ERCC5: variants seen among roughly 807,000 people sequenced by gnomAD.
ERCC5 encodes ERCC excision repair 5, endonuclease, also known as DNA excision repair protein ERCC-5.
Under a neutral mutation model 105.6 loss-of-function variants are expected in ERCC5, and 68 were observed. That is an observed-to-expected ratio of 0.64 (90% CI 0.53 to 0.79). The LOEUF (loss-of-function observed/expected upper bound fraction) is 0.79. Ranked by LOEUF, ERCC5 falls within the 30% of genes least tolerant of loss-of-function variation. ERCC5 has a pLI of 0.00. For missense variants in ERCC5, 1,373 were observed against 1,426.7 expected (o/e 0.96, Z 0.61); for synonymous variants, 546 against 526.2 (o/e 1.04, Z -0.51).
intron 12 of ERCC5, among the ~76,000 whole-genome samples, chr13:102,868,725 C>T (rs111247753): frequency 3.9e-5 from 6 of 152,320 alleles, no homozygotes; most frequent in African/African-American, 1.2e-4. Flanking sequence ...AATATAATGC[C>T]AGGAATGTTA....
In ERCC5 at chr13:102,846,343, T is replaced by G. The variant is rs2140511653; in HGVS notation, c.77T>G (p.Ile26Ser). Residue 26 changes from isoleucine (I) to serine (S), a missense_variant, in exon 1 of 15, where the codon ATC (isoleucine) becomes AGC (serine). Around this residue, in one of 3 missense-constraint regions of ERCC5, gnomAD observed 1,004 missense variants for 1,059.7 expected, o/e 0.95. Coordinates refer to ENST00000652225, the MANE Select transcript of ERCC5 (RefSeq NM_000123.4). ...QVSPEALEGK[I>S]LAVDISIWLN... ...AGCCCCGAAGCGCTGGAAGGGAAGA[T>G]CCTGGCTGTTGGTATCCTTAACGCC... 6.2e-7 allele frequency: 1 copy of G among 1,614,018 alleles called. No individual in the cohort carries two copies. Among genetic ancestry groups the G allele is most frequent in the Non-Finnish European group, 8.5e-7 (1 of 1,179,928 alleles).
chr13:102,873,963 A>G (rs1883115229), intron 14 of ERCC5, among the ~76,000 whole-genome samples: 1 of 152,230 alleles, frequency 6.6e-6, no homozygotes, highest in Admixed American at 6.5e-5. Flanking sequence ...AGCTTTTGTG[A>G]TAATATATTT....
At chr13:102,850,493 A>T (rs2093754) in intron 1 of ERCC5, among the ~76,000 whole-genome samples, 9,402 of 152,164 alleles carry the variant, frequency 0.062, 967 homozygotes, top group African/African-American at 0.21. Flanking sequence ...AGTTTTAGAT[A>T]GTATCTTGAA....
intron 4 of ERCC5, among the ~76,000 whole-genome samples, chr13:102,855,537 C>T (rs1882382158): frequency 1.3e-5 from 2 of 152,332 alleles, no homozygotes; most frequent in South Asian, 4.1e-4. Flanking sequence ...AGGCGTGAGC[C>T]ACCACACGCA....
rs543222988 is a variant in ERCC5, at chr13:102,868,237, G to A, written c.2658G>A (p.Leu886=). Residue 886 remains leucine (L), a synonymous_variant, in exon 12 of 15, where the codon CTG becomes CTA. Coordinates refer to ENST00000652225, the MANE Select transcript of ERCC5 (RefSeq NM_000123.4). ...EILNEFPGHG[L]EPLLKFSEWW... is the part of the protein sequence containing the mutation. ...TCAATGAATTCCCTGGGCATGGCCT[G>A]GAACCTCTCCTAAAATTCTCGTAAG... 3.7e-6 allele frequency: 6 copies of A among 1,614,164 alleles called. No individual in the cohort carries two copies. The highest frequency in any genetic ancestry group is 5.1e-6 in the Non-Finnish European group (6 of 1,180,020).
Position 102,872,400 on chromosome 13 carries a change from T to C in ERCC5, c.2879+2T>C. The stretch of plus-strand genomic sequence containing the variant: ...ACCTGATCTCGACAAAATTAGAGAA[T>C]ATCCTTTGCTTCTTAAAAGAGAAGG... On this transcript the variant is annotated splice_donor_variant, in intron 13 of 14. Transcript: ENST00000652225. LOFTEE classifies it high-confidence loss of function. 2 of 1,614,192 alleles carry C rather than the reference T, an allele frequency of 1.2e-6. No homozygotes were observed. Among genetic ancestry groups the C allele is most frequent in the East Asian group, 2.2e-5 (1 of 44,882 alleles).
intron 1 of ERCC5, among the ~76,000 whole-genome samples, chr13:102,847,196 T>C (rs890343508): frequency 6.6e-6 from 1 of 152,216 alleles, no homozygotes; most frequent in Non-Finnish European, 1.5e-5. Flanking sequence ...TTTCTGTACA[T>C]GTTTGGCTGG....
At chr13:102,846,412 C>T (rs972090914) in intron 1 of ERCC5, 58 bp downstream of exon 1, 10 of 1,471,610 alleles carry the variant, frequency 6.8e-6, no homozygotes, top group Non-Finnish European at 9.5e-6. Context: ...GGATTCCTCG[C>T]GGGGCTCTGC....
intron 12 of ERCC5, among the ~76,000 whole-genome samples, chr13:102,869,246 C>A (rs991830968): frequency 6.6e-6 from 1 of 152,150 alleles, no homozygotes; most frequent in African/African-American, 2.4e-5. Flanking sequence ...ATACTTTCTT[C>A]ATTTATCTTT....
rs376411022 is a variant in ERCC5, at chr13:102,875,770, C to T, written c.3428C>T (p.Ala1143Val). Residue 1143 changes from alanine to valine, a missense_variant, in exon 15 of 15, where the codon GCG becomes GTG. This residue lies in a region of ERCC5 where 367 missense variants were observed against 350.2 expected (regional missense o/e 1.05). Coordinates refer to ENST00000652225, the MANE Select transcript of ERCC5 (RefSeq NM_000123.4). The part of the protein sequence containing the change: ...VKEAPVKNGG[A>V]TTSSSSDSDD... The stretch of plus-strand genomic sequence containing the variant: ...GAAGCTCCCGTGAAGAATGGAGGTG[C>T]GACCACCAGCAGCTCTAGTGATAGT... 3.5e-5 allele frequency: 56 copies of T among 1,613,998 alleles called. No individual in the cohort carries two copies. The highest frequency in any genetic ancestry group is 3.2e-4 in the Admixed American group (19 of 60,012).
chr13:102,869,628 G>A (rs903114755), intron 12 of ERCC5, among the ~76,000 whole-genome samples: 1 of 152,074 alleles, frequency 6.6e-6, no homozygotes, highest in African/African-American at 2.4e-5. Flanking sequence ...GTTTTTAATG[G>A]CTACAGGTAG....
chr13:102,857,176 A>G (rs932753106), intron 5 of ERCC5, among the ~76,000 whole-genome samples: 4 of 152,134 alleles, frequency 2.6e-5, no homozygotes, highest in Admixed American at 2.6e-4. Context: ...TCTATCAGGT[A>G]GAAACTTTTG....
At chr13:102,873,427 T>A (rs879857553) in intron 14 of ERCC5, 84 bp downstream of exon 14, 20 of 1,466,746 alleles carry the variant, frequency 1.4e-5, no homozygotes, top group Non-Finnish European at 1.9e-5. Flanking sequence ...TAACTCTTAT[T>A]TTGGGGCATA....
At chr13:102,849,148 C>CT (rs1882096760) in intron 1 of ERCC5, 2 of 518,846 alleles carry the variant, frequency 3.9e-6, no homozygotes, top group Admixed American at 1.9e-5. Flanking sequence ...AAACATCGAT[C>CT]TAATACAAGA....
chr13:102,852,162 C>T lies in ERCC5; in HGVS notation c.133C>T (p.Arg45Cys), dbSNP rs569799893. Reference sequence around the variant, plus strand: ...CCAAGCACTTAAAGGAGTCCGGGATCGCCATGGGAACTCAATAGAAAATCC... The same window carrying T: ...CCAAGCACTTAAAGGAGTCCGGGATTGCCATGGGAACTCAATAGAAAATCC... ...LNQALKGVRD[R>C]HGNSIENPHL... Residue 45 changes from arginine to cysteine, a missense_variant, in exon 2 of 15, where the codon CGC (arginine) becomes TGC (cysteine). By Grantham distance (180) the Arg-to-Cys change is radical. This residue lies in a region of ERCC5 where 1,004 missense variants were observed against 1,059.7 expected (regional missense o/e 0.95). Coordinates refer to ENST00000652225, the MANE Select transcript of ERCC5 (RefSeq NM_000123.4). 2.0e-5 allele frequency: 33 copies of T among 1,614,064 alleles called. No homozygotes were observed. The highest frequency in any genetic ancestry group is 3.3e-5 in the Admixed American group (2 of 60,008).
At chr13:102,855,863 G>A (rs926872239) in intron 4 of ERCC5, among the ~76,000 whole-genome samples, 189 bp from the exon 5 acceptor site, 1 of 152,164 alleles carries the variant, frequency 6.6e-6, no homozygotes, top group African/African-American at 2.4e-5. Context: ...TGTGGTGGAA[G>A]TTATTAGATC....
At chr13:102,852,365 A>G (rs1206209111) in intron 2 of ERCC5, 72 bp downstream of exon 2, 1 of 1,571,628 alleles carries the variant, frequency 6.4e-7, no homozygotes, top group Non-Finnish European at 8.6e-7. Flanking sequence ...AAATTCACAT[A>G]AAATTTTTGT....
At chr13:102,854,243 G>A in intron 3 of ERCC5, 45 bp from the exon 4 acceptor site, 1 of 1,603,872 alleles carries the variant, frequency 6.2e-7, no homozygotes, top group South Asian at 1.1e-5. Flanking sequence ...TCACCATCCT[G>A]AGCAGGGTCT....
At chr13:102,851,585 G>A (rs1056551569) in intron 1 of ERCC5, among the ~76,000 whole-genome samples, 2 of 152,062 alleles carry the variant, frequency 1.3e-5, no homozygotes, top group South Asian at 2.1e-4. Flanking sequence ...GAGCCACCGC[G>A]CCCGGCCTAT....
Sources: gnomAD v4.1 joint callset for allele counts (sites outside exome capture counted in the v4.1 genomes callset) on GRCh38, gnomAD v4.1.1 for gene constraint, gnomAD v4.1.1 regional missense constraint, MANE v1.5 for transcripts, NCBI Gene and HGNC (gene_info 2026-07-23, HGNC 2026-07-21) for gene names.